The following CNIH3 variants were observed in gnomAD, a reference collection of about 807,000 sequenced individuals.
CNIH3 encodes protein cornichon homolog 3.
CNIH3 carries 14 observed loss-of-function variants against 24.1 expected under a neutral mutation model. The ratio of observed to expected loss-of-function variants is 0.58; its 90% CI spans 0.38 to 0.91. The LOEUF (loss-of-function observed/expected upper bound fraction) is 0.91, where lower values mean the gene tolerates loss of function less well. Ranked by LOEUF, CNIH3 falls within the 40% of genes least tolerant of loss-of-function variation. The pLI is 0.00. For synonymous variants in CNIH3, 68 were observed against 73.8 expected (o/e 0.92, Z 0.40); for missense variants, 178 against 196.8 (o/e 0.90, Z 0.57).
intron 1 of CNIH3, among the ~76,000 whole-genome samples, chr1:224,651,692 C>T (rs112442127): frequency 2.0e-5 from 3 of 152,252 alleles, no homozygotes; most frequent in East Asian, 1.9e-4. Context: ...CTCAGAACTG[C>T]GTAATATTCC....
At chr1:224,652,331 A>T (rs574253232) in intron 1 of CNIH3, among the ~76,000 whole-genome samples, 2 of 152,256 alleles carry the variant, frequency 1.3e-5, no homozygotes, top group African/African-American at 4.8e-5. Context: ...ACCTGGCTAC[A>T]TTCCAAACAG....
At chr1:224,535,445 G>C (rs1319944688) in intron 2 of CNIH3, among the ~76,000 whole-genome samples, 1 of 152,224 alleles carries the variant, frequency 6.6e-6, no homozygotes, top group Non-Finnish European at 1.5e-5. Context: ...ACATATAGTA[G>C]TTTGTTACAG....
intron 1 of CNIH3, among the ~76,000 whole-genome samples, chr1:224,442,797 A>T (rs1001245212): frequency 1.3e-5 from 2 of 152,190 alleles, no homozygotes; most frequent in Non-Finnish European, 2.9e-5. Flanking sequence ...CCTTCATTAC[A>T]TGACTTTTTG....
At chr1:224,635,592 C>T (rs540481970) in intron 1 of CNIH3, among the ~76,000 whole-genome samples, 5 of 152,348 alleles carry the variant, frequency 3.3e-5, no homozygotes, top group African/African-American at 1.2e-4. Context: ...CCTCACAGCA[C>T]AGCCGAGCCG....
upstream of CNIH3, among the ~76,000 whole-genome samples, chr1:224,511,032 A>G (rs988730642): frequency 6.6e-6 from 1 of 152,246 alleles, no homozygotes; most frequent in Non-Finnish European, 1.5e-5. Flanking sequence ...TATGCATTGT[A>G]GGATATTTTC....
At chr1:224,497,033 T>G (rs1034647900) in intron 1 of CNIH3, among the ~76,000 whole-genome samples, 11 of 152,210 alleles carry the variant, frequency 7.2e-5, no homozygotes, top group Admixed American at 7.2e-4. Flanking sequence ...AATGGAATAT[T>G]ATGCAGCCAT....
intron 1 of CNIH3, among the ~76,000 whole-genome samples, chr1:224,457,567 C>T (rs970722778): frequency 4.2e-5 from 6 of 142,714 alleles, no homozygotes; most frequent in Non-Finnish European, 7.5e-5. Context: ...CCCTGCAACA[C>T]TAAGTAGACG....
intron 3 of CNIH3, among the ~76,000 whole-genome samples, chr1:224,712,246 C>T (rs1688196421): frequency 6.6e-6 from 1 of 152,184 alleles, no homozygotes; most frequent in South Asian, 2.1e-4. Flanking sequence ...AATACAAATC[C>T]CTGGGCCCCA....
chr1:224,726,149 T>C (rs1336863527), intron 3 of CNIH3, among the ~76,000 whole-genome samples: 1 of 152,182 alleles, frequency 6.6e-6, no homozygotes, highest in East Asian at 1.9e-4. Context: ...GGAGGGCACA[T>C]GTGTGCAGGG....
intron 1 of CNIH3, among the ~76,000 whole-genome samples, chr1:224,623,718 C>T (rs1653609825): frequency 6.6e-6 from 1 of 152,190 alleles, no homozygotes; most frequent in African/African-American, 2.4e-5. Flanking sequence ...TTCTCAGACT[C>T]AGAAGCAGCA....
At chr1:224,491,882 A>G (rs1677249150) in intron 1 of CNIH3, among the ~76,000 whole-genome samples, 1 of 152,158 alleles carries the variant, frequency 6.6e-6, no homozygotes, top group Non-Finnish European at 1.5e-5. Flanking sequence ...TACTGGGATT[A>G]TAGGCATGAG....
At chr1:224,646,546 C>T (rs908083974) in intron 1 of CNIH3, among the ~76,000 whole-genome samples, 9 of 152,292 alleles carry the variant, frequency 5.9e-5, no homozygotes, top group Non-Finnish European at 1.2e-4. Context: ...GCTGGGACTA[C>T]AGAGGTGTGC....
intron 1 of CNIH3, among the ~76,000 whole-genome samples, chr1:224,461,306 A>G (rs1353122583): frequency 6.6e-6 from 1 of 152,192 alleles, no homozygotes; most frequent in Non-Finnish European, 1.5e-5. Context: ...CCTGGCCTCC[A>G]TTGTATATTT....
At chr1:224,697,919 AAGAG>A (rs1211977517) in intron 3 of CNIH3, among the ~76,000 whole-genome samples, 2 of 152,218 alleles carry the variant, frequency 1.3e-5, no homozygotes, top group South Asian at 2.1e-4. Context: ...TGGGGACAAT[AAGAG>A]AGAATTCCTC....
chr1:224,526,815 G>A (rs1572414622), intron 2 of CNIH3, among the ~76,000 whole-genome samples: 5 of 152,268 alleles, frequency 3.3e-5, no homozygotes, highest in Admixed American at 3.3e-4. Context: ...TTCCGGGGAG[G>A]CCTCTAGAAG....
chr1:224,569,815 G>T (rs890204125), intron 4 of CNIH3, among the ~76,000 whole-genome samples: 4 of 151,876 alleles, frequency 2.6e-5, no homozygotes, highest in Non-Finnish European at 5.9e-5. Context: ...GACAGAGTCT[G>T]CTCTGTTGCC....
chr1:224,699,329 C>A (rs1375983224), intron 3 of CNIH3, among the ~76,000 whole-genome samples: 2 of 152,202 alleles, frequency 1.3e-5, no homozygotes, highest in African/African-American at 4.8e-5. Flanking sequence ...AAACTGATGT[C>A]TTGAGAGAAA....
In CNIH3 at chr1:224,616,815, G is replaced by C. The variant is rs889065790; in HGVS notation, c.-360G>C. ...ATGGGACCTCCTCCCTCGGTCCTCC[G>C]TGGAGTCGTCGCATCGCTTGTCGTG... is the stretch of plus-strand genomic sequence containing the variant. On this transcript the variant is annotated 5_prime_UTR_variant, in exon 1 of 6. Coordinates refer to ENST00000272133, the MANE Select transcript of CNIH3 (RefSeq NM_152495.2). The C allele has an allele frequency of 2.7e-6, 3 of 1,099,642 alleles. No individual in the cohort carries two copies. Among genetic ancestry groups the C allele is most frequent in the Non-Finnish European group, 3.3e-6 (3 of 902,850 alleles). The allele number at this position is 1,099,642 out of a possible 1,614,324, so 68.1% of individuals were successfully genotyped here.
intron 1 of CNIH3, among the ~76,000 whole-genome samples, chr1:224,468,957 G>A (rs1401232823): frequency 6.6e-6 from 1 of 151,714 alleles, no homozygotes; most frequent in Non-Finnish European, 1.5e-5. Flanking sequence ...TCTCTATCAA[G>A]TTGAGTCAGT....
Sources: allele counts gnomAD v4.1 joint callset (sites outside exome capture counted in the v4.1 genomes callset), GRCh38; gene constraint gnomAD v4.1.1; transcripts MANE v1.5; gene names NCBI Gene and HGNC (gene_info 2026-07-23, HGNC 2026-07-21).